The following CSNK2A1 variants were observed in gnomAD, a reference collection of about 807,000 sequenced individuals.
CSNK2A1 encodes casein kinase II subunit alpha.
CSNK2A1 carries 10 observed loss-of-function variants against 62.9 expected under a neutral mutation model. The ratio of observed to expected loss-of-function variants is 0.16; its 90% confidence interval spans 0.10 to 0.27. CSNK2A1 has a LOEUF of 0.27. Ranked by LOEUF, CSNK2A1 falls within the 10% of genes least tolerant of loss-of-function variation. The pLI is 1.00. For synonymous variants in CSNK2A1, 124 were observed against 167.8 expected, an observed-to-expected ratio of 0.74 and a Z score of 2.02; for missense variants, 160 against 492.0, an observed-to-expected ratio of 0.33 and a Z score of 6.38.
intron 1 of CSNK2A1, chr20:539,300 A>G (rs1448170227): frequency 1.3e-5 from 2 of 152,326 alleles, no homozygotes; most frequent in East Asian, 1.9e-4. Context: ...TTCCACATTC[A>G]TTCAAGCTAT....
At chr20:492,170 C>T (rs969682997) in intron 9 of CSNK2A1, 84 bp downstream of exon 9, 1 of 1,218,334 alleles carries the variant, frequency 8.2e-7, no homozygotes, top group Non-Finnish European at 1.2e-6. Flanking sequence ...TACCTAAATG[C>T]ACAAAATGAT....
chr20:524,691 T>C (rs1244772475), intron 2 of CSNK2A1, among the ~76,000 whole-genome samples: 1 of 111,210 alleles, frequency 9.0e-6, no homozygotes, highest in Non-Finnish European at 1.7e-5. Context: ...CCAGCATGGG[T>C]GACGGAGACT....
intron 2 of CSNK2A1, among the ~76,000 whole-genome samples, chr20:519,617 G>A (rs774912981): frequency 4.6e-5 from 7 of 152,114 alleles, no homozygotes; most frequent in South Asian, 4.1e-4. Flanking sequence ...AGCAACATTA[G>A]AACAGCTGAT....
At chr20:490,351 T>A (rs1424209306) in intron 9 of CSNK2A1, among the ~76,000 whole-genome samples, 1 of 91,350 alleles carries the variant, frequency 1.1e-5, no homozygotes, top group Non-Finnish European at 2.0e-5. Flanking sequence ...TTTTTTTTTT[T>A]AGTTTTTTTT....
At chr20:518,414 C>T (rs889416074) in intron 2 of CSNK2A1, among the ~76,000 whole-genome samples, 3 of 152,190 alleles carry the variant, frequency 2.0e-5, no homozygotes, top group Admixed American at 2.0e-4. Context: ...AAGGGAATAT[C>T]ATATCTTAAG....
rs1332846344 is a variant in CSNK2A1 at position 508,595 on chromosome 20, T to G, written c.-44A>C. The G allele has an allele frequency of 6.3e-7, 1 of 1,575,496 alleles. No homozygotes were observed. The highest frequency in any genetic ancestry group is 8.7e-7 in the Non-Finnish European group (1 of 1,148,830). Reference sequence around the variant, plus strand: ...CAAAGCTGGACTTGATGTTTGGAGATCTGGCAGTCACTGTGTTCAGAAGCA... The same window carrying G: ...CAAAGCTGGACTTGATGTTTGGAGAGCTGGCAGTCACTGTGTTCAGAAGCA... On this transcript the variant is annotated 5_prime_UTR_variant, in exon 3 of 14. Coordinates refer to ENST00000217244, the MANE Select transcript of CSNK2A1 (RefSeq NM_177559.3).
rs1293831321 is a variant in CSNK2A1 at position 478,297 on chromosome 20, G to A, written c.*5664C>T. On this transcript the variant is annotated 3_prime_UTR_variant, in exon 14 of 14. Coordinates refer to ENST00000217244, the MANE Select transcript of CSNK2A1 (RefSeq NM_177559.3). ...CAGGTTTGAAGGGTTGAGGGTTATG[G>A]AGGGTTCTTCATAGGAAGTTCACCA... 1 of 158,820 alleles carries A rather than the reference G, an allele frequency of 6.3e-6. No individual in the cohort carries two copies. Among genetic ancestry groups the A allele is most frequent in the African/African-American group, 2.4e-5 (1 of 41,440 alleles). 9.8% of individuals were successfully genotyped at this position (158,820 alleles called of 1,614,324 possible). A position where few individuals can be genotyped will look rare whatever the true frequency, so the allele number is the denominator to read the frequency against.
intron 2 of CSNK2A1, 62 bp from the exon 3 acceptor site, chr20:508,722 T>A (rs2018655918): frequency 3.4e-6 from 2 of 584,300 alleles, no homozygotes; most frequent in Non-Finnish European, 6.0e-6. Flanking sequence ...GGGAAGGAAA[T>A]AATCTTACAA....
chr20:517,399 A>T (rs2018849155), intron 2 of CSNK2A1, among the ~76,000 whole-genome samples: 2 of 152,262 alleles, frequency 1.3e-5, no homozygotes, highest in African/African-American at 4.8e-5. Context: ...CCTGACTGCC[A>T]GAAAGGCATT....
intron 6 of CSNK2A1, chr20:498,335 C>CTTTTTTTTTTTTTTTTTTTTTTTTTTTT (rs11477158): frequency 1.7e-5 from 2 of 119,668 alleles, no homozygotes; most frequent in African/African-American, 3.2e-5. Context: ...ATGGACATAT[C>CTTTTTTTTTTTTTTTTTTTTTTTTTTTT]TTTTTTTTTT....
intron 3 of CSNK2A1, among the ~76,000 whole-genome samples, 190 bp from the exon 4 acceptor site, chr20:505,419 G>A (rs2018557257): frequency 6.9e-6 from 1 of 144,070 alleles, no homozygotes; most frequent in South Asian, 2.2e-4. Context: ...GAGTGCAGTG[G>A]CGCGATCTCT....
chr20:501,668 G>A (rs977172593), intron 4 of CSNK2A1: 2 of 152,150 alleles, frequency 1.3e-5, no homozygotes, highest in African/African-American at 4.8e-5. Flanking sequence ...CTGCGTGCCT[G>A]CTGTACTGGA....
intron 9 of CSNK2A1, among the ~76,000 whole-genome samples, chr20:490,353 G>GTTTTTTTTTTTTTTTTTTTTCT (rs373775413): frequency 1.9e-5 from 1 of 53,496 alleles, no homozygotes. Context: ...TTTTTTTTTA[G>GTTTTTTTTTTTTTTTTTTTTCT]TTTTTTTTTT....
intron 4 of CSNK2A1, chr20:503,258 C>T: frequency 2.7e-6 from 1 of 374,624 alleles, no homozygotes; most frequent in East Asian, 3.8e-5. Context: ...GATCCTCCCA[C>T]TTTAGCCCCT....
intron 2 of CSNK2A1, among the ~76,000 whole-genome samples, chr20:511,471 T>A (rs2018716818): frequency 6.6e-6 from 1 of 152,222 alleles, no homozygotes. Context: ...AAATGAAAAC[T>A]ATGTATCCAC....
At position 499,117 on chromosome 20, in the gene CSNK2A1, T is replaced by C. The variant is rs1176313931; in HGVS notation, c.366+138A>G. ...TGGGCACTGCTTATATAGGAGTTCT[T>C]CTATCTTAAAATTTGCACTGTAAGG... On this transcript the variant is annotated intron_variant, in intron 6 of 13. Transcript: ENST00000217244. This position sits in a 1 kb window ranked among gnomAD's most constrained non-coding sequence, Gnocchi z 4.2. 3 of 603,024 alleles carry C rather than the reference T, an allele frequency of 5.0e-6. No individual in the cohort carries two copies. The highest frequency in any genetic ancestry group is 6.7e-5 in the East Asian group (2 of 29,984). The allele number at this position is 603,024 out of a possible 1,614,324, so 37.4% of individuals were successfully genotyped here.
chr20:474,769 G>A lies in CSNK2A1; in HGVS notation c.*9192C>T, dbSNP rs2017815109. 1 of 152,080 alleles carries A rather than the reference G, an allele frequency of 6.6e-6. No individual in the cohort carries two copies. Among genetic ancestry groups the A allele is most frequent in the Non-Finnish European group, 1.5e-5 (1 of 68,030 alleles). The allele number at this position is 152,080 out of a possible 1,614,324, so 9.4% of individuals were successfully genotyped here. ...CTCCTCTTTCCATTGTCATCATACT[G>A]TAATCCTGGTTAGACCAGTATTCAG... On this transcript the variant is annotated 3_prime_UTR_variant, in exon 14 of 14. Coordinates refer to ENST00000217244, the MANE Select transcript of CSNK2A1 (RefSeq NM_177559.3).
chr20:477,700 T>C lies in CSNK2A1; in HGVS notation c.*6261A>G, dbSNP rs1457865562. On this transcript the variant is annotated 3_prime_UTR_variant, in exon 14 of 14. Coordinates refer to ENST00000217244, the MANE Select transcript of CSNK2A1 (RefSeq NM_177559.3). The stretch of plus-strand genomic sequence containing the variant: ...AGTGTCTTGGAAGCACTGACTTTAA[T>C]ACCCACTTAGGCTGGGCGCAGTGGC... The C allele has an allele frequency of 1.3e-5, 2 of 152,302 alleles. No individual in the cohort carries two copies. Among genetic ancestry groups the C allele is most frequent in the Non-Finnish European group, 2.9e-5 (2 of 68,158 alleles). The allele number at this position is 152,302 out of a possible 1,614,324, so 9.4% of individuals were successfully genotyped here. A position where few individuals can be genotyped will look rare whatever the true frequency, so the allele number is the denominator to read the frequency against.
In CSNK2A1 at chr20:478,765, CAAAAA is replaced by C. The variant is rs750062577; in HGVS notation, c.*5191_*5195del. ...CAACACGGCAAAACTTCATCTCTAC[CAAAAA>C]AAAAAAAAAAAAAATTAGCCAAGCA... On this transcript the variant is annotated 3_prime_UTR_variant, in exon 14 of 14. Transcript: ENST00000217244. 7.4e-4 allele frequency: 130 copies of C among 175,584 alleles called. No individual in the cohort carries two copies. The highest frequency in any genetic ancestry group is 1.2e-3 in the South Asian group (25 of 21,494). The allele number at this position is 175,584 out of a possible 1,614,324, so 10.9% of individuals were successfully genotyped here.
Sources: allele counts gnomAD v4.1 joint callset (sites outside exome capture counted in the v4.1 genomes callset), GRCh38; gene constraint gnomAD v4.1.1; non-coding constraint Gnocchi (gnomAD v3.1); transcripts MANE v1.5; gene names NCBI Gene and HGNC (gene_info 2026-07-23, HGNC 2026-07-21).